Variants in SLC26A7 observed in about 807,000 individuals in gnomAD.
SLC26A7 encodes solute carrier family 26 member 7.
Under a neutral mutation model 82.5 loss-of-function variants are expected in SLC26A7, and 59 were observed. That is an observed-to-expected ratio of 0.72 (90% CI 0.58 to 0.89). The LOEUF is 0.89. Ranked by LOEUF, SLC26A7 falls within the 40% of genes least tolerant of loss-of-function variation. The pLI is 0.00. For synonymous variants in SLC26A7, 271 were observed against 274.3 expected (o/e 0.99, Z 0.12); for missense variants, 820 against 793.0 (o/e 1.03, Z -0.41).
chr8:91,389,971 T>C lies in SLC26A7; in HGVS notation c.1776+533T>C, dbSNP rs566327935. On this transcript the variant is annotated intron_variant, in intron 16 of 18. Transcript: ENST00000276609. ...GCATGTGGTTTCCATGATCCAGGTA[T>C]GCAAAAAATAACACTCCACTTATGG... Among the ~76,000 whole-genome samples, 10 of 152,244 alleles carry C rather than the reference T, an allele frequency of 6.6e-5. No homozygotes were observed. In the South Asian group the frequency reaches 1.4e-3, roughly 22 times the overall value.
intron 14 of SLC26A7, 40 bp downstream of exon 14, chr8:91,366,757 A>G (rs1475367478): frequency 4.4e-6 from 7 of 1,580,758 alleles, no homozygotes; most frequent in Non-Finnish European, 6.0e-6. Flanking sequence ...TACTACATGT[A>G]GCCTTATATC....
Position 91,395,261 on chromosome 8 carries a change from AC to A in SLC26A7, c.*165del, listed in dbSNP as rs1414530968. On this transcript the variant is annotated 3_prime_UTR_variant, in exon 19 of 19. Coordinates refer to ENST00000276609, the MANE Select transcript of SLC26A7 (RefSeq NM_052832.4). ...GCATAGCAGTTGGAAAGAACTGCCA[AC>A]TTTTTTTTCTCATTTTTGTTAGTAA... The A allele has an allele frequency of 7.2e-7, 1 of 1,391,612 alleles. No homozygotes were observed. The highest frequency in any genetic ancestry group is 1.5e-5 in the African/African-American group (1 of 68,372). The allele number at this position is 1,391,612 out of a possible 1,614,324, so 86.2% of individuals were successfully genotyped here.
chr8:91,271,826 C>A (rs1203768888), intron 2 of SLC26A7, among the ~76,000 whole-genome samples: 1 of 152,120 alleles, frequency 6.6e-6, no homozygotes, highest in Non-Finnish European at 1.5e-5. Context: ...GATCTCCTGA[C>A]CTTGTGATCC....
At chr8:91,293,074 C>T (rs1811917239) in intron 3 of SLC26A7, among the ~76,000 whole-genome samples, 2 of 152,046 alleles carry the variant, frequency 1.3e-5, no homozygotes, top group African/African-American at 4.8e-5. Flanking sequence ...TATTCTCTAT[C>T]AAAATTTTGT....
intron 5 of SLC26A7, among the ~76,000 whole-genome samples, chr8:91,324,701 T>A (rs557812418): frequency 1.3e-5 from 2 of 152,190 alleles, no homozygotes; most frequent in South Asian, 4.1e-4. Context: ...ACAAACAAAT[T>A]GGCAAATGAA....
intron 2 of SLC26A7, among the ~76,000 whole-genome samples, chr8:91,287,209 GA>G: frequency 6.6e-6 from 1 of 152,266 alleles, no homozygotes; most frequent in East Asian, 1.9e-4. Context: ...AGAGACCATT[GA>G]AAAATTAAAC....
At chr8:91,225,226 G>C (rs1228151071) in intron 2 of SLC26A7, among the ~76,000 whole-genome samples, 1 of 152,244 alleles carries the variant, frequency 6.6e-6, no homozygotes. Context: ...AGTTCATTAG[G>C]CTTGAACAGA....
In SLC26A7 at chr8:91,218,964, A is replaced by G. The variant is rs1197431305; in HGVS notation, c.-75A>G. ...TTTGTTCTTACAAATGTTTTACTCA[A>G]CGTGACCCTAACCTCTTTGGAATTG... On this transcript the variant is annotated 5_prime_UTR_variant, in exon 2 of 6. Transcript: ENST00000522862. 2.6e-5 allele frequency: 41 copies of G among 1,550,972 alleles called. No homozygotes were observed. The Admixed American group carries it at 8.0e-4, about 30-fold the overall frequency.
At chr8:91,234,479 G>T (rs1810358533) in intron 2 of SLC26A7, among the ~76,000 whole-genome samples, 1 of 146,554 alleles carries the variant, frequency 6.8e-6, no homozygotes, top group Non-Finnish European at 1.5e-5. Context: ...TGGCCCTTCT[G>T]TTTTTTTTTT....
At chr8:91,380,712 T>G (rs1814647100) in intron 15 of SLC26A7, among the ~76,000 whole-genome samples, 1 of 152,218 alleles carries the variant, frequency 6.6e-6, no homozygotes, top group Admixed American at 6.5e-5. Flanking sequence ...TGCATCCACC[T>G]TGGAAAACGG....
At chr8:91,385,539 A>G (rs1814777941) in intron 15 of SLC26A7, among the ~76,000 whole-genome samples, 1 of 152,218 alleles carries the variant, frequency 6.6e-6, no homozygotes, top group Admixed American at 6.5e-5. Flanking sequence ...TACTTAAATT[A>G]TTATCCACAA....
intron 11 of SLC26A7, among the ~76,000 whole-genome samples, chr8:91,356,434 G>A (rs537230116): frequency 0.03 from 4,521 of 152,158 alleles, 68 homozygotes; most frequent in Non-Finnish European, 0.035. Flanking sequence ...ACTGGTGTGA[G>A]ATGGTATCTC....
intron 15 of SLC26A7, among the ~76,000 whole-genome samples, chr8:91,388,874 G>T (rs1437708456): frequency 2.0e-5 from 3 of 150,508 alleles, no homozygotes; most frequent in African/African-American, 7.3e-5. Flanking sequence ...TTTTTTTTTA[G>T]AGTGATTCCA....
intron 2 of SLC26A7, among the ~76,000 whole-genome samples, chr8:91,274,910 T>C (rs1331777343): frequency 2.0e-5 from 3 of 152,228 alleles, no homozygotes; most frequent in Non-Finnish European, 4.4e-5. Context: ...AGACATCTTT[T>C]TTAAGGGCAG....
At chr8:91,363,872 T>C (rs1455320720) in intron 13 of SLC26A7, among the ~76,000 whole-genome samples, 2 of 152,004 alleles carry the variant, frequency 1.3e-5, no homozygotes, top group Non-Finnish European at 2.9e-5. Context: ...TGATAGTCTA[T>C]TCTGAATTAA....
At chr8:91,341,740 A>G (rs10087430) in intron 8 of SLC26A7, among the ~76,000 whole-genome samples, 11,653 of 152,068 alleles carry the variant, frequency 0.077, 688 homozygotes, top group African/African-American at 0.16. Context: ...GGCTCTACAT[A>G]ACCTGCTAAT....
Position 91,230,438 on chromosome 8 carries a change from G to T in SLC26A7, c.-34+11433G>T, listed in dbSNP as rs536713638. On this transcript the variant is annotated intron_variant, in intron 2 of 5. Coordinates refer to the SLC26A7 transcript ENST00000522862. ...ACTGTCTTCCTTTCAGTGCTCTGAA[G>T]CTCCCATGCTATTCCCACCTGGGGA... 7.2e-5 allele frequency among the ~76,000 whole-genome samples: 11 copies of T among 152,268 alleles called. 1 individual carries two copies. In the South Asian group the frequency reaches 1.7e-3, roughly 23 times the overall value.
chr8:91,357,836 G>T (rs1040200062), intron 11 of SLC26A7, among the ~76,000 whole-genome samples: 3 of 152,118 alleles, frequency 2.0e-5, no homozygotes, highest in Non-Finnish European at 4.4e-5. Flanking sequence ...TACAAAAATG[G>T]GAGAAAATTT....
chr8:91,342,130 T>C lies in SLC26A7; in HGVS notation c.1027-1223T>C, dbSNP rs139704683. On this transcript the variant is annotated intron_variant, in intron 8 of 18. Transcript: ENST00000276609. ...CATTTTTTAAACATGGGGGTCTTGCTGTGTTGCTCAGGCTGGTCTCAAACT... is the reference window on the plus strand; with the variant it reads ...CATTTTTTAAACATGGGGGTCTTGCCGTGTTGCTCAGGCTGGTCTCAAACT... Among the ~76,000 whole-genome samples, 97 of 151,936 alleles carry C rather than the reference T, an allele frequency of 6.4e-4. 1 individual carries two copies. In the East Asian group the frequency reaches 0.019, roughly 29 times the overall value.
Sources: gnomAD v4.1 joint callset for allele counts (sites outside exome capture counted in the v4.1 genomes callset) on GRCh38, gnomAD v4.1.1 for gene constraint, MANE v1.5 for transcripts, NCBI Gene and HGNC (gene_info 2026-07-23, HGNC 2026-07-21) for gene names.